The following OR52N4 variants were observed in gnomAD, a reference collection of about 807,000 sequenced individuals.
OR52N4 encodes the protein olfactory receptor family 52 subfamily N member 4, also known as olfactory receptor 52N4.
OR52N4 carries 15 observed loss-of-function variants against 15.0 expected under a neutral mutation model. The observed-to-expected ratio is 1.00, with a 90% confidence interval of 0.67 to 1.54. The LOEUF is 1.54. OR52N4 is among the 40% of genes most tolerant of loss of function. OR52N4 has a pLI of 0.00. For synonymous variants in OR52N4, 143 were observed against 143.7 expected (o/e 1.00, Z 0.03); for missense variants, 421 against 394.0 (o/e 1.07, Z -0.58).
the OR52N4 span, among the ~76,000 whole-genome samples, chr11:5,744,965 T>A: frequency 6.6e-6 from 1 of 152,010 alleles, no homozygotes; most frequent in African/African-American, 2.4e-5. Flanking sequence ...TTTTAATACA[T>A]GTGGAAAAAG....
the OR52N4 span, chr11:5,737,992 A>T: frequency 6.4e-6 from 1 of 156,558 alleles, no homozygotes. Context: ...AAGCCAAATC[A>T]GTCAATGATG....
chr11:5,735,892 C>T, the OR52N4 span: 1 of 152,724 alleles, frequency 6.5e-6, no homozygotes, highest in African/African-American at 2.4e-5. Flanking sequence ...TGCCTGTATT[C>T]ACTAAAAAAT....
chr11:5,736,600 C>CCAG, the OR52N4 span: 1 of 1,613,986 alleles, frequency 6.2e-7, no homozygotes. Flanking sequence ...GATTCCCGGG[C>CCAG]ATTCACAGCT....
At chr11:5,744,607 G>C in the OR52N4 span, among the ~76,000 whole-genome samples, 10 of 152,160 alleles carry the variant, frequency 6.6e-5, no homozygotes, top group Non-Finnish European at 7.3e-5. Flanking sequence ...CTAACATATG[G>C]GCATAACACA....
chr11:5,741,325 G>A, the OR52N4 span, among the ~76,000 whole-genome samples: 1 of 152,196 alleles, frequency 6.6e-6, no homozygotes, highest in Non-Finnish European at 1.5e-5. Context: ...GAAAATTATT[G>A]TGGACACTGT....
chr11:5,743,764 C>G, the OR52N4 span, among the ~76,000 whole-genome samples: 1 of 151,970 alleles, frequency 6.6e-6, no homozygotes, highest in Non-Finnish European at 1.5e-5. Flanking sequence ...GCATTAAATG[C>G]CGACATTAAA....
upstream of OR52N4, among the ~76,000 whole-genome samples, chr11:5,751,478 T>C (rs1384271755): frequency 6.6e-6 from 1 of 152,070 alleles, no homozygotes; most frequent in Non-Finnish European, 1.5e-5. Context: ...GTGGTTTCTT[T>C]TATACATTCC....
At chr11:5,730,820 A>G in the OR52N4 span, among the ~76,000 whole-genome samples, 1 of 150,986 alleles carries the variant, frequency 6.6e-6, no homozygotes, top group Non-Finnish European at 1.5e-5. Flanking sequence ...ATGTCTATGC[A>G]GAAAACACTG....
At chr11:5,737,384 A>G in the OR52N4 span, 2 of 1,614,108 alleles carry the variant, frequency 1.2e-6, no homozygotes, top group Non-Finnish European at 8.5e-7. Context: ...GTTGCACAAC[A>G]TCATCCCCCC....
upstream of OR52N4, among the ~76,000 whole-genome samples, chr11:5,751,713 C>T (rs144152512): frequency 1.5e-3 from 233 of 152,044 alleles, 1 homozygote; most frequent in African/African-American, 5.3e-3. Context: ...TTGATTTGCT[C>T]GGCTCTGAGG....
At chr11:5,734,339 G>T in the OR52N4 span, 1 of 380,356 alleles carries the variant, frequency 2.6e-6, no homozygotes, top group African/African-American at 2.1e-5. Context: ...CAAAAAGATT[G>T]ACATTTCTCT....
At chr11:5,728,067 G>C in the OR52N4 span, among the ~76,000 whole-genome samples, 1 of 152,168 alleles carries the variant, frequency 6.6e-6, no homozygotes, top group African/African-American at 2.4e-5. Context: ...GCACAAGAGA[G>C]GTTAGGAATA....
the OR52N4 span, among the ~76,000 whole-genome samples, chr11:5,731,713 C>T: frequency 5.9e-5 from 9 of 152,112 alleles, no homozygotes; most frequent in Non-Finnish European, 1.3e-4. Context: ...CCATGTGAGC[C>T]ATGGAAAGTG....
At chr11:5,734,523 C>A in the OR52N4 span, among the ~76,000 whole-genome samples, 1 of 151,910 alleles carries the variant, frequency 6.6e-6, no homozygotes, top group African/African-American at 2.4e-5. Context: ...ATAGCAGAAT[C>A]GTATTCTATG....
rs1310049095 is a variant in OR52N4 at position 5,755,080 on chromosome 11, T to C, written c.340T>C (p.Ser114Pro). 2 of 1,613,836 alleles carry C rather than the reference T, an allele frequency of 1.2e-6. No individual in the cohort carries two copies. Among genetic ancestry groups the C allele is most frequent in the Admixed American group, 1.7e-5 (1 of 59,956 alleles). Residue 114 changes from serine to proline, a missense_variant, in exon 2 of 2, where the codon TCT (serine) becomes CCT (proline). Transcript: ENST00000641350. ...CACCCACACCTTCACAGGGATGGAG[T>C]CTGGGGTGCTTATGCTTATGGCCCT... ...FFTHTFTGME[S>P]GVLMLMALDR...
chr11:5,750,736 G>A (rs1180047916), upstream of OR52N4, among the ~76,000 whole-genome samples: 2 of 151,888 alleles, frequency 1.3e-5, no homozygotes, highest in African/African-American at 4.8e-5. Context: ...AATTCTGTCT[G>A]AAAGGCAGAA....
At chr11:5,753,487 T>C (rs1854229700), upstream of OR52N4, among the ~76,000 whole-genome samples, 1 of 152,170 alleles carries the variant, frequency 6.6e-6, no homozygotes, top group South Asian at 2.1e-4. Flanking sequence ...GTTGTTGAAG[T>C]ACTTTATATA....
the OR52N4 span, among the ~76,000 whole-genome samples, chr11:5,746,671 T>C: frequency 2.6e-5 from 4 of 152,104 alleles, no homozygotes; most frequent in African/African-American, 9.7e-5. Flanking sequence ...GATTTTGTCA[T>C]GGAGAAAACT....
In OR52N4 at chr11:5,755,757, C is replaced by T. The variant is rs1177792312; in HGVS notation, c.*51C>T. ...AGAAGGAAAGAATTACTTCTATTTG[C>T]CTCTTATGCAGGAGTTCATAAAATC... On this transcript the variant is annotated 3_prime_UTR_variant, in exon 2 of 2. Transcript: ENST00000641350. 6.4e-7 allele frequency: 1 copy of T among 1,567,530 alleles called. No homozygotes were observed. The highest frequency in any genetic ancestry group is 8.6e-7 in the Non-Finnish European group (1 of 1,159,006).
Sources: allele counts gnomAD v4.1 joint callset (sites outside exome capture counted in the v4.1 genomes callset), GRCh38; gene constraint gnomAD v4.1.1; transcripts MANE v1.5; gene names NCBI Gene and HGNC (gene_info 2026-07-23, HGNC 2026-07-21).